Variants in TMEM154 observed in about 807,000 individuals in gnomAD.
The protein encoded by TMEM154 is transmembrane protein 154.
TMEM154 carries 27 observed loss-of-function variants against 24.5 expected under a neutral mutation model. That is an observed-to-expected ratio of 1.10 (90% CI 0.81 to 1.52). The LOEUF (loss-of-function observed/expected upper bound fraction) is 1.52, where lower values mean the gene tolerates loss of function less well. TMEM154 is among the 40% of genes most tolerant of loss of function. The pLI, the probability that TMEM154 is intolerant of heterozygous loss-of-function variation, is 0.00. For missense variants in TMEM154, 228 were observed against 213.4 expected (o/e 1.07, Z -0.43); for synonymous variants, 67 against 76.8 (o/e 0.87, Z 0.67).
Position 152,620,175 on chromosome 4 carries a change from C to A in TMEM154, c.*8371G>T, listed in dbSNP as rs75382327. On this transcript the variant is annotated 3_prime_UTR_variant, in exon 7 of 7. Transcript: ENST00000304385. ...CTTTCCAATTCTAGCACTAAACACA[C>A]CTGTCTCTAACTTGAGAGTCCCTGG... The A allele has an allele frequency of 0.025, 3,805 of 152,294 alleles. 165 individuals carry two copies. The highest frequency in any genetic ancestry group is 0.15 in the East Asian group (758 of 5,174). The allele number at this position is 152,294 out of a possible 1,614,324, so 9.4% of individuals were successfully genotyped here.
intron 1 of TMEM154, among the ~76,000 whole-genome samples, chr4:152,653,143 C>T (rs908316027): frequency 6.6e-6 from 1 of 152,132 alleles, no homozygotes; most frequent in Non-Finnish European, 1.5e-5. Context: ...AGAGAAAAAC[C>T]TTGCACAAAG....
intron 1 of TMEM154, among the ~76,000 whole-genome samples, chr4:152,670,497 G>C (rs1017251189): frequency 6.6e-6 from 1 of 152,198 alleles, no homozygotes; most frequent in Non-Finnish European, 1.5e-5. Context: ...TCGGGAGGCT[G>C]AGGCAGGAGA....
chr4:152,671,556 G>T (rs1413093727), intron 1 of TMEM154, among the ~76,000 whole-genome samples: 1 of 151,254 alleles, frequency 6.6e-6, no homozygotes, highest in Non-Finnish European at 1.5e-5. Flanking sequence ...GACCATCCCG[G>T]CTAAAACGGT....
chr4:152,679,814 A>C (rs1229914326), intron 1 of TMEM154, 56 bp downstream of exon 1: 8 of 1,573,020 alleles, frequency 5.1e-6, no homozygotes, highest in Non-Finnish European at 6.9e-6. Context: ...AGCCTCGGGC[A>C]CCCTACCAGC....
At chr4:152,634,597 C>G (rs1752111519) in intron 6 of TMEM154, among the ~76,000 whole-genome samples, 1 of 152,232 alleles carries the variant, frequency 6.6e-6, no homozygotes, top group Non-Finnish European at 1.5e-5. Context: ...ATCTGGGCCA[C>G]TATTCAAGCA....
chr4:152,676,101 T>C (rs1285720834), intron 1 of TMEM154, among the ~76,000 whole-genome samples: 1 of 152,204 alleles, frequency 6.6e-6, no homozygotes, highest in African/African-American at 2.4e-5. Context: ...ATTCTGTTTT[T>C]CCTGCTTCTA....
At position 152,627,210 on chromosome 4, in the gene TMEM154, T is replaced by C. The variant is rs1395704360; in HGVS notation, c.*1336A>G. On this transcript the variant is annotated 3_prime_UTR_variant, in exon 7 of 7. Coordinates refer to ENST00000304385, the MANE Select transcript of TMEM154 (RefSeq NM_152680.3). ...GGTAGGAGACAAGTAGTTTTTGTTA[T>C]GCATTAGGGCAGACTTTCAAGCACA... is the stretch of plus-strand genomic sequence containing the variant. 2 of 152,240 alleles carry C rather than the reference T, an allele frequency of 1.3e-5. No individual in the cohort carries two copies. Among genetic ancestry groups the C allele is most frequent in the Non-Finnish European group, 2.9e-5 (2 of 68,042 alleles). 9.4% of individuals were successfully genotyped at this position (152,240 alleles called of 1,614,324 possible).
intron 3 of TMEM154, among the ~76,000 whole-genome samples, chr4:152,650,487 G>C (rs954569549): frequency 6.6e-6 from 1 of 152,078 alleles, no homozygotes. Context: ...TCTTATCCTA[G>C]TTCTCTTGTT....
intron 1 of TMEM154, among the ~76,000 whole-genome samples, chr4:152,653,475 C>T (rs1728429778): frequency 6.6e-6 from 1 of 150,754 alleles, no homozygotes; most frequent in Non-Finnish European, 1.5e-5. Flanking sequence ...CTGCAACCTC[C>T]ACCTCCTGGG....
In TMEM154 at chr4:152,644,414, C is replaced by T. The variant is rs1486409825; in HGVS notation, c.392+1G>A. The T allele has an allele frequency of 5.6e-6, 9 of 1,614,164 alleles. No individual in the cohort carries two copies. In the East Asian group the frequency reaches 1.6e-4, roughly 28 times the overall value. ...GATCAGAAGCAGCAGGGAAAACTTA[C>T]ACTTTCACGTTTTCACTTCCCAGTT... On this transcript the variant is annotated splice_donor_variant, in intron 4 of 6. Coordinates refer to ENST00000304385, the MANE Select transcript of TMEM154 (RefSeq NM_152680.3). LOFTEE classifies it high-confidence loss of function.
chr4:152,640,294 TC>T (rs1170023047), intron 6 of TMEM154, among the ~76,000 whole-genome samples: 1 of 152,138 alleles, frequency 6.6e-6, no homozygotes, highest in Non-Finnish European at 1.5e-5. Context: ...TCCCCAACCT[TC>T]TGAACCATCC....
At chr4:152,664,112 A>G (rs532519318) in intron 1 of TMEM154, among the ~76,000 whole-genome samples, 2 of 152,386 alleles carry the variant, frequency 1.3e-5, no homozygotes, top group East Asian at 1.9e-4. Context: ...TAGCAAAGAC[A>G]TGGAACCAAC....
chr4:152,629,588 G>A (rs1425919686), intron 6 of TMEM154, among the ~76,000 whole-genome samples: 3 of 152,066 alleles, frequency 2.0e-5, no homozygotes, highest in East Asian at 3.9e-4. Flanking sequence ...TTTTAGTTCC[G>A]TACTCCCTTC....
At chr4:152,643,229 C>A (rs2149780999) in intron 4 of TMEM154, 56 bp from the exon 5 acceptor site, 1 of 1,305,610 alleles carries the variant, frequency 7.7e-7, no homozygotes, top group African/African-American at 1.5e-5. Flanking sequence ...TGCCTAATTT[C>A]ATTTGGAAAG....
At chr4:152,633,692 T>G (rs1752093220) in intron 6 of TMEM154, among the ~76,000 whole-genome samples, 1 of 152,090 alleles carries the variant, frequency 6.6e-6, no homozygotes, top group Admixed American at 6.5e-5. Flanking sequence ...GGGCCAAGTG[T>G]GGTGGCAAAT....
At chr4:152,668,983 G>C (rs1579536084) in intron 1 of TMEM154, 1 of 152,322 alleles carries the variant, frequency 6.6e-6, no homozygotes, top group East Asian at 1.9e-4. Flanking sequence ...ATCCTGAACA[G>C]TCTTCTAGGC....
intron 3 of TMEM154, among the ~76,000 whole-genome samples, chr4:152,651,645 C>T (rs905599322): frequency 6.6e-6 from 1 of 152,182 alleles, no homozygotes; most frequent in Admixed American, 6.5e-5. Flanking sequence ...GATCTTCTAC[C>T]CAGACCACTG....
At position 152,623,609 on chromosome 4, in the gene TMEM154, G is replaced by T. The variant is rs1257828201; in HGVS notation, c.*4937C>A. 3 of 152,350 alleles carry T rather than the reference G, an allele frequency of 2.0e-5. No homozygotes were observed. The East Asian group carries it at 5.8e-4, about 29-fold the overall frequency. 9.4% of individuals were successfully genotyped at this position (152,350 alleles called of 1,614,324 possible). A position where few individuals can be genotyped will look rare whatever the true frequency, so the allele number is the denominator to read the frequency against. ...AAGAAATGAAAACTGGCTGGGCATG[G>T]TGGCTTATGCCTATAATCCCAACAT... is the stretch of plus-strand genomic sequence containing the variant. On this transcript the variant is annotated 3_prime_UTR_variant, in exon 7 of 7. Transcript: ENST00000304385.
intron 1 of TMEM154, among the ~76,000 whole-genome samples, chr4:152,675,519 C>T (rs906430667): frequency 3.3e-5 from 5 of 151,684 alleles, no homozygotes; most frequent in Non-Finnish European, 5.9e-5. Flanking sequence ...CCCAGCTACT[C>T]GGGAGGCTGA....
Sources: gnomAD v4.1 joint callset for allele counts (sites outside exome capture counted in the v4.1 genomes callset) on GRCh38, gnomAD v4.1.1 for gene constraint, MANE v1.5 for transcripts, NCBI Gene and HGNC (gene_info 2026-07-23, HGNC 2026-07-21) for gene names.